Variants in APBB2 observed in about 807,000 individuals in gnomAD.
APBB2 encodes the protein amyloid beta precursor protein binding family B member 2, also known as Fe65-like 1.
Under a neutral mutation model 82.5 loss-of-function variants are expected in APBB2, and 38 were observed. The observed-to-expected ratio is 0.46, with a 90% CI of 0.36 to 0.60. The LOEUF is 0.60. APBB2 is among the 20% of genes least tolerant of loss of function. The pLI, the probability that APBB2 is intolerant of heterozygous loss-of-function variation, is 0.00. For missense variants in APBB2, 772 were observed against 972.3 expected, an observed-to-expected ratio of 0.79 and a Z score of 2.74; for synonymous variants, 341 against 368.2, an observed-to-expected ratio of 0.93 and a Z score of 0.85.
intron 10 of APBB2, among the ~76,000 whole-genome samples, chr4:40,894,095 C>T (rs62410310): frequency 0.12 from 18,009 of 151,830 alleles, 1,338 homozygotes; most frequent in Non-Finnish European, 0.17. Flanking sequence ...GAGACCATCC[C>T]GGCTAACACG....
intron 4 of APBB2, among the ~76,000 whole-genome samples, chr4:41,037,208 C>A (rs965368993): frequency 3.3e-5 from 5 of 152,128 alleles, no homozygotes; most frequent in Admixed American, 3.3e-4. Flanking sequence ...AATTTAAATA[C>A]AGATCAAGTA....
intron 6 of APBB2, among the ~76,000 whole-genome samples, chr4:40,982,163 C>T (rs1263076835): frequency 2.2e-5 from 3 of 136,922 alleles, no homozygotes; most frequent in Non-Finnish European, 3.1e-5. Flanking sequence ...CCAGCCTGGG[C>T]AACAAGAGTG....
At chr4:40,927,216 T>C (rs1208027666) in intron 10 of APBB2, among the ~76,000 whole-genome samples, 3 of 152,172 alleles carry the variant, frequency 2.0e-5, no homozygotes, top group Non-Finnish European at 4.4e-5. Flanking sequence ...TAATTATGTG[T>C]TTCAAAGAAC....
intron 12 of APBB2, among the ~76,000 whole-genome samples, chr4:40,838,333 T>TC (rs1238916393): frequency 7.3e-6 from 1 of 136,992 alleles, no homozygotes; most frequent in Non-Finnish European, 1.6e-5. Context: ...TGGCTAATTT[T>TC]TTTTTTTTTT....
chr4:40,911,434 G>A (rs1222533713), intron 10 of APBB2, among the ~76,000 whole-genome samples: 2 of 152,168 alleles, frequency 1.3e-5, no homozygotes, highest in African/African-American at 4.8e-5. Flanking sequence ...ATTATGATTA[G>A]CTCTAAATTA....
rs571736222 is a variant in APBB2 at position 41,031,843 on chromosome 4, T to C, written c.19+1393A>G. Reference sequence around the variant, plus strand: ...TTTAAAATCTATTTTCTAAAGAACATACGTATTTATTTTGATTTTTCCAAA... The same window carrying C: ...TTTAAAATCTATTTTCTAAAGAACACACGTATTTATTTTGATTTTTCCAAA... On this transcript the variant is annotated intron_variant, in intron 5 of 17. Coordinates refer to ENST00000508593, the MANE Select transcript of APBB2 (RefSeq NM_004307.2). 3.3e-5 allele frequency among the ~76,000 whole-genome samples: 5 copies of C among 152,332 alleles called. No individual in the cohort carries two copies. In the South Asian group the frequency reaches 8.3e-4, roughly 25 times the overall value.
In APBB2 at chr4:40,944,616, C is replaced by T. The variant is rs1190826331; in HGVS notation, c.1044+249G>A. Reference sequence around the variant, plus strand: ...ATCTTAACCACTTCTCATTAATCAGCCCCTCTTGCTTTCTGTACCTGGAAT... The same window carrying T: ...ATCTTAACCACTTCTCATTAATCAGTCCCTCTTGCTTTCTGTACCTGGAAT... On this transcript the variant is annotated intron_variant, in intron 7 of 17. Coordinates refer to ENST00000508593, the MANE Select transcript of APBB2 (RefSeq NM_004307.2). 4.6e-5 allele frequency among the ~76,000 whole-genome samples: 7 copies of T among 152,292 alleles called. No individual in the cohort carries two copies. In the East Asian group the frequency reaches 1.4e-3, roughly 29 times the overall value.
chr4:41,011,412 C>G (rs1446251422), intron 6 of APBB2, among the ~76,000 whole-genome samples: 1 of 151,328 alleles, frequency 6.6e-6, no homozygotes, highest in African/African-American at 2.4e-5. Flanking sequence ...AACTCCTGAC[C>G]TGGTGATCCA....
chr4:41,032,083 T>C (rs1353980809), intron 5 of APBB2, among the ~76,000 whole-genome samples: 1 of 152,212 alleles, frequency 6.6e-6, no homozygotes, highest in Admixed American at 6.5e-5. Flanking sequence ...AGTGTTTATG[T>C]TTTATTTTAG....
chr4:41,098,441 C>T (rs888325212), intron 3 of APBB2, among the ~76,000 whole-genome samples: 1 of 152,130 alleles, frequency 6.6e-6, no homozygotes. Flanking sequence ...CCTCTGCCCC[C>T]CAAAAGTGTT....
chr4:41,050,418 G>A (rs1725506962), intron 4 of APBB2, among the ~76,000 whole-genome samples: 2 of 152,208 alleles, frequency 1.3e-5, no homozygotes, highest in African/African-American at 4.8e-5. Context: ...GCACACGCAT[G>A]GACATTCTGC....
At chr4:40,891,970 G>C (rs146342580) in intron 11 of APBB2, among the ~76,000 whole-genome samples, 3,704 of 93,978 alleles carry the variant, frequency 0.039, 56 homozygotes, top group Middle Eastern at 0.064. Flanking sequence ...TTTTTTTTTT[G>C]AGATAGAGTC....
chr4:40,957,606 G>A (rs925124492), intron 6 of APBB2, among the ~76,000 whole-genome samples: 7 of 149,948 alleles, frequency 4.7e-5, no homozygotes, highest in Admixed American at 1.3e-4. Context: ...TTTTTGAGGC[G>A]GAGTTTCGCT....
intron 3 of APBB2, among the ~76,000 whole-genome samples, chr4:41,097,358 TA>T (rs1352645247): frequency 4.6e-5 from 7 of 152,216 alleles, no homozygotes; most frequent in African/African-American, 1.7e-4. Flanking sequence ...ATAAAGATTC[TA>T]AATGGGGAAT....
chr4:40,826,997 A>C lies in APBB2; in HGVS notation c.1732+135T>G, dbSNP rs770574238. The C allele has an allele frequency of 9.4e-6, 7 of 743,630 alleles. No homozygotes were observed. Among genetic ancestry groups the C allele is most frequent in the Non-Finnish European group, 1.6e-5 (7 of 441,116 alleles). The allele number at this position is 743,630 out of a possible 1,614,324, so 46.1% of individuals were successfully genotyped here. ...TGTGCCTCTGTGAGACCCAGCGTGC[A>C]GGCTCAACTTGTGCTTACTGAGTTG... is the stretch of plus-strand genomic sequence containing the variant. On this transcript the variant is annotated intron_variant, in intron 14 of 17. Transcript: ENST00000508593. This position sits in a 1 kb window ranked among gnomAD's most constrained non-coding sequence, Gnocchi z 4.5.
intron 2 of APBB2, among the ~76,000 whole-genome samples, chr4:41,133,348 T>C (rs1005823304): frequency 3.3e-5 from 5 of 152,202 alleles, no homozygotes; most frequent in African/African-American, 1.2e-4. Context: ...CAGAAGATAA[T>C]TTAATCTCAA....
intron 6 of APBB2, among the ~76,000 whole-genome samples, chr4:40,954,924 T>C (rs1391605472): frequency 6.6e-6 from 1 of 152,168 alleles, no homozygotes; most frequent in African/African-American, 2.4e-5. Flanking sequence ...GTACTGAGAT[T>C]ACAGGCATGC....
At chr4:40,892,735 T>C (rs536277292) in intron 11 of APBB2, 1 of 152,374 alleles carries the variant, frequency 6.6e-6, no homozygotes, top group African/African-American at 2.4e-5. Context: ...AACTAACATT[T>C]CAAAATGGAA....
chr4:41,009,333 A>G (rs1296298231), intron 6 of APBB2, among the ~76,000 whole-genome samples: 1 of 151,162 alleles, frequency 6.6e-6, no homozygotes, highest in Admixed American at 6.6e-5. Flanking sequence ...CTAAACTCCT[A>G]TGAAAATAGT....
Sources: allele counts gnomAD v4.1 joint callset (sites outside exome capture counted in the v4.1 genomes callset), GRCh38; gene constraint gnomAD v4.1.1; non-coding constraint Gnocchi (gnomAD v3.1); transcripts MANE v1.5; gene names NCBI Gene and HGNC (gene_info 2026-07-23, HGNC 2026-07-21).